Variants in LPP observed in about 807,000 individuals in gnomAD.
The protein encoded by LPP is lipoma-preferred partner.
Under a neutral mutation model 60.4 loss-of-function variants are expected in LPP, and 38 were observed. The ratio of observed to expected loss-of-function variants is 0.63; its 90% CI spans 0.49 to 0.83. The LOEUF (loss-of-function observed/expected upper bound fraction) is 0.83, where lower values mean the gene tolerates loss of function less well. Ranked by LOEUF, LPP falls within the 40% of genes least tolerant of loss-of-function variation. The pLI, the probability that LPP is intolerant of heterozygous loss-of-function variation, is 0.00. For synonymous variants in LPP, 328 were observed against 290.8 expected (o/e 1.13, Z -1.30); for missense variants, 902 against 783.6 (o/e 1.15, Z -1.80).
chr3:188,737,287 G>T (rs1003646082), intron 8 of LPP, among the ~76,000 whole-genome samples: 2 of 152,170 alleles, frequency 1.3e-5, no homozygotes, highest in Non-Finnish European at 2.9e-5. Context: ...CTGAGAGCTG[G>T]GCAATGTGGA....
chr3:188,720,371 T>A (rs1393910357), intron 8 of LPP, among the ~76,000 whole-genome samples: 1 of 152,200 alleles, frequency 6.6e-6, no homozygotes, highest in South Asian at 2.1e-4. Context: ...AGGGCTTTGA[T>A]AGAGAACAGA....
intron 7 of LPP, among the ~76,000 whole-genome samples, chr3:188,658,645 A>G (rs1853901248): frequency 6.6e-6 from 1 of 152,200 alleles, no homozygotes; most frequent in Non-Finnish European, 1.5e-5. Flanking sequence ...CTGTGGATTA[A>G]TAACACAAAA....
intron 4 of LPP, among the ~76,000 whole-genome samples, chr3:188,442,646 T>C (rs1462940597): frequency 6.6e-6 from 1 of 152,210 alleles, no homozygotes; most frequent in Non-Finnish European, 1.5e-5. Context: ...GACCGTGGTA[T>C]TTCCTGAAGT....
chr3:188,746,378 G>T, intron 8 of LPP: 1 of 455,208 alleles, frequency 2.2e-6, no homozygotes, highest in Non-Finnish European at 4.4e-6. Flanking sequence ...TAGATGAAAG[G>T]AACAATCTAC....
At chr3:188,482,785 T>C (rs1173748693) in intron 4 of LPP, among the ~76,000 whole-genome samples, 1 of 152,060 alleles carries the variant, frequency 6.6e-6, no homozygotes, top group African/African-American at 2.4e-5. Context: ...ATAAGAGGAG[T>C]AGAAATTTTC....
At chr3:188,347,085 TTGAG>T (rs1283348411) in intron 3 of LPP, among the ~76,000 whole-genome samples, 2 of 152,174 alleles carry the variant, frequency 1.3e-5, no homozygotes, top group African/African-American at 4.8e-5. Flanking sequence ...CTCAGAGAGG[TTGAG>T]TAATTTGCCC....
At chr3:188,332,512 G>T (rs184371965) in intron 2 of LPP, among the ~76,000 whole-genome samples, 1 of 152,136 alleles carries the variant, frequency 6.6e-6, no homozygotes, top group African/African-American at 2.4e-5. Flanking sequence ...AGAACATTTT[G>T]TTCATTTGCT....
chr3:188,888,762 G>A lies in LPP; in HGVS notation c.*14283G>A, dbSNP rs557554584. 5 of 220,694 alleles carry A rather than the reference G, an allele frequency of 2.3e-5. No homozygotes were observed. In the South Asian group the frequency reaches 7.4e-4, roughly 33 times the overall value. 13.7% of individuals were successfully genotyped at this position (220,694 alleles called of 1,614,324 possible). On this transcript the variant is annotated 3_prime_UTR_variant, in exon 12 of 12. Coordinates refer to ENST00000617246, the MANE Select transcript of LPP (RefSeq NM_001375462.1). ...GATAAGGAAACTTTGCCAAATGAAA[G>A]AAAGTCACTCACTTCCAATATCCCC...
chr3:188,543,032 A>T (rs139400747), intron 6 of LPP, among the ~76,000 whole-genome samples: 2,120 of 151,826 alleles, frequency 0.014, 25 homozygotes, highest in South Asian at 0.054. Flanking sequence ...CTCAGGTCTG[A>T]CTGCTCTTTG....
intron 4 of LPP, among the ~76,000 whole-genome samples, chr3:188,450,687 G>A (rs1796371236): frequency 6.6e-6 from 1 of 151,230 alleles, no homozygotes; most frequent in South Asian, 2.1e-4. Context: ...AGAGGTTGCA[G>A]TGAGCCGAGA....
intron 1 of LPP, among the ~76,000 whole-genome samples, chr3:188,187,319 G>A (rs1726891511): frequency 6.6e-6 from 1 of 152,036 alleles, no homozygotes; most frequent in Admixed American, 6.6e-5. Flanking sequence ...GGGTTCTGAG[G>A]TCACCACCTT....
At chr3:188,584,545 T>TGG (rs752997019) in intron 6 of LPP, 1 of 118,754 alleles carries the variant, frequency 8.4e-6, no homozygotes, top group Non-Finnish European at 1.8e-5. Context: ...TTAATTTTAG[T>TGG]CGTGTGTGTG....
At chr3:188,443,532 G>A (rs991673609) in intron 4 of LPP, among the ~76,000 whole-genome samples, 1 of 152,216 alleles carries the variant, frequency 6.6e-6, no homozygotes, top group Non-Finnish European at 1.5e-5. Context: ...TAAGTTGTAG[G>A]TACTTAACAA....
intron 1 of LPP, among the ~76,000 whole-genome samples, chr3:188,203,562 T>C (rs1420655696): frequency 9.7e-6 from 1 of 103,588 alleles, no homozygotes; most frequent in East Asian, 2.4e-4. Context: ...TTTAAATATA[T>C]ATAAATATAT....
intron 1 of LPP, among the ~76,000 whole-genome samples, 95 bp downstream of exon 1, chr3:188,154,347 A>G (rs1486645433): frequency 6.6e-6 from 1 of 151,908 alleles, no homozygotes; most frequent in Non-Finnish European, 1.5e-5. Flanking sequence ...CCGGGGTGGC[A>G]AGAGCGCAGG....
At chr3:188,600,815 G>GTTT (rs141954825) in intron 6 of LPP, among the ~76,000 whole-genome samples, 1 of 151,306 alleles carries the variant, frequency 6.6e-6, no homozygotes, top group Admixed American at 6.6e-5. Context: ...TTTGTTTTTT[G>GTTT]TTTTTTGTTT....
At chr3:188,415,703 AT>A (rs1290888275) in intron 4 of LPP, among the ~76,000 whole-genome samples, 1 of 131,286 alleles carries the variant, frequency 7.6e-6, no homozygotes, top group Non-Finnish European at 1.6e-5. Flanking sequence ...GTATTATATG[AT>A]TTCATTTTAA....
At chr3:188,493,587 C>A (rs1809023777) in intron 5 of LPP, among the ~76,000 whole-genome samples, 2 of 152,038 alleles carry the variant, frequency 1.3e-5, no homozygotes, top group South Asian at 4.2e-4. Context: ...TACCACCATG[C>A]CCAGCTAATT....
intron 4 of LPP, among the ~76,000 whole-genome samples, chr3:188,446,071 G>A (rs1372327407): frequency 6.6e-6 from 1 of 152,204 alleles, no homozygotes; most frequent in African/African-American, 2.4e-5. Flanking sequence ...TCTGCTTGAA[G>A]GCAGCGGTCT....
Sources: allele counts gnomAD v4.1 joint callset (sites outside exome capture counted in the v4.1 genomes callset), GRCh38; gene constraint gnomAD v4.1.1; transcripts MANE v1.5; gene names NCBI Gene and HGNC (gene_info 2026-07-23, HGNC 2026-07-21).